ADARB2: variants seen among roughly 807,000 people sequenced by gnomAD.
ADARB2 encodes inactive double-stranded RNA-specific editase B2.
In ADARB2, 25 loss-of-function variants were observed where a neutral mutation model predicts 62.2. That is an observed-to-expected ratio of 0.40 (90% CI 0.29 to 0.56). The LOEUF is 0.56. Ranked by LOEUF, ADARB2 falls within the 20% of genes least tolerant of loss-of-function variation. The pLI, the probability that ADARB2 is intolerant of heterozygous loss-of-function variation, is 0.43. For missense variants in ADARB2, 1,071 were observed against 1,077.4 expected (o/e 0.99, Z 0.08); for synonymous variants, 572 against 500.8 (o/e 1.14, Z -1.90).
intron 1 of ADARB2, among the ~76,000 whole-genome samples, chr10:1,391,880 T>C (rs1230062047): frequency 6.8e-6 from 1 of 147,910 alleles, no homozygotes; most frequent in African/African-American, 2.5e-5. Context: ...GCTCAAGCGA[T>C]CATCCCACCT....
At chr10:1,623,102 A>T (rs1465639597) in intron 1 of ADARB2, among the ~76,000 whole-genome samples, 1 of 152,240 alleles carries the variant, frequency 6.6e-6, no homozygotes, top group African/African-American at 2.4e-5. Flanking sequence ...TTCTATTTAT[A>T]CAAAATCTCC....
At chr10:1,562,234 C>T (rs1389438126) in intron 1 of ADARB2, among the ~76,000 whole-genome samples, 3 of 152,156 alleles carry the variant, frequency 2.0e-5, no homozygotes, top group Non-Finnish European at 4.4e-5. Flanking sequence ...TAGATCTGGC[C>T]ATTCTCCTGT....
Position 1,183,059 on chromosome 10 carries a change from T to C in ADARB2, c.*134A>G. 2.0e-6 allele frequency: 2 copies of C among 1,016,016 alleles called. No homozygotes were observed. The highest frequency in any genetic ancestry group is 3.3e-5 in the South Asian group (2 of 60,850). The allele number at this position is 1,016,016 out of a possible 1,614,324, so 62.9% of individuals were successfully genotyped here. On this transcript the variant is annotated 3_prime_UTR_variant, in exon 10 of 10. Coordinates refer to ENST00000381312, the MANE Select transcript of ADARB2 (RefSeq NM_018702.4). Reference sequence around the variant, plus strand: ...ATTTGTGTTGTTGCTCGTCCAAACATTGCACACTCGCGTGTTTCTGGGACA... The same window carrying C: ...ATTTGTGTTGTTGCTCGTCCAAACACTGCACACTCGCGTGTTTCTGGGACA...
intron 1 of ADARB2, among the ~76,000 whole-genome samples, chr10:1,710,079 G>A (rs1227758715): frequency 6.6e-6 from 1 of 152,236 alleles, no homozygotes; most frequent in East Asian, 1.9e-4. Flanking sequence ...AAACTTCCAC[G>A]CCTCAAAACC....
At chr10:1,324,843 A>G (rs1371562376) in intron 3 of ADARB2, among the ~76,000 whole-genome samples, 1 of 152,254 alleles carries the variant, frequency 6.6e-6, no homozygotes, top group South Asian at 2.1e-4. Context: ...ATAAAATTAC[A>G]TGGAGCTAAA....
chr10:1,382,476 A>G (rs1018207857), intron 1 of ADARB2, among the ~76,000 whole-genome samples: 1 of 152,244 alleles, frequency 6.6e-6, no homozygotes, highest in Non-Finnish European at 1.5e-5. Context: ...AAAGAGGTGA[A>G]GAATTACATT....
At chr10:1,736,093 A>C (rs1835296756) in intron 1 of ADARB2, among the ~76,000 whole-genome samples, 1 of 152,208 alleles carries the variant, frequency 6.6e-6, no homozygotes, top group Non-Finnish European at 1.5e-5. Flanking sequence ...CTTAAAAAAA[A>C]TCAGCACATT....
intron 1 of ADARB2, among the ~76,000 whole-genome samples, chr10:1,586,973 T>C (rs146808843): frequency 1.2e-4 from 18 of 152,382 alleles, no homozygotes; most frequent in African/African-American, 3.6e-4. Context: ...ATCTCCATTG[T>C]GCAAGAATTT....
In ADARB2 at chr10:1,326,758, C is replaced by T. The variant is rs1196798905; in HGVS notation, c.1077+36270G>A. On this transcript the variant is annotated intron_variant, in intron 3 of 9. Coordinates refer to ENST00000381312, the MANE Select transcript of ADARB2 (RefSeq NM_018702.4). The stretch of plus-strand genomic sequence containing the variant: ...GGCACGGCGCCTCCCGACGGCACGG[C>T]GCCTCTGGTAGCACAGCCCCTCCTC... Among the ~76,000 whole-genome samples the T allele has an allele frequency of 2.0e-5, 3 of 150,188 alleles. 1 individual carries two copies. Among genetic ancestry groups the T allele is most frequent in the Non-Finnish European group, 4.5e-5 (3 of 67,318 alleles).
intron 1 of ADARB2, among the ~76,000 whole-genome samples, chr10:1,452,004 C>T (rs527824452): frequency 3.0e-4 from 45 of 152,254 alleles, no homozygotes; most frequent in Middle Eastern, 3.4e-3. Flanking sequence ...GCCTTATGAA[C>T]GGTACCTAGG....
chr10:1,335,026 G>A (rs1207394406), intron 3 of ADARB2, among the ~76,000 whole-genome samples: 1 of 152,200 alleles, frequency 6.6e-6, no homozygotes, highest in Non-Finnish European at 1.5e-5. Context: ...GTAGCTCTGG[G>A]TTAAGTGCCC....
At chr10:1,218,639 G>C (rs981703115) in intron 6 of ADARB2, among the ~76,000 whole-genome samples, 22 of 152,126 alleles carry the variant, frequency 1.4e-4, no homozygotes, top group Non-Finnish European at 2.6e-4. Context: ...GGTGGAATTT[G>C]GTGGGAGATG....
At chr10:1,621,940 G>T (rs1833708994) in intron 1 of ADARB2, among the ~76,000 whole-genome samples, 1 of 151,912 alleles carries the variant, frequency 6.6e-6, no homozygotes, top group Non-Finnish European at 1.5e-5. Flanking sequence ...AAAAAATAAA[G>T]AAAGAAAAAG....
chr10:1,709,700 G>T (rs1329499639), intron 1 of ADARB2, among the ~76,000 whole-genome samples: 1 of 152,160 alleles, frequency 6.6e-6, no homozygotes, highest in Non-Finnish European at 1.5e-5. Context: ...TTCCAATGAT[G>T]CTTCCCATGC....
At chr10:1,527,909 T>A (rs1033525886) in intron 1 of ADARB2, among the ~76,000 whole-genome samples, 17 of 152,240 alleles carry the variant, frequency 1.1e-4, no homozygotes, top group South Asian at 4.1e-4. Context: ...TCATTCTGGA[T>A]GCACAAATTA....
At chr10:1,423,396 G>A (rs1588253066) in intron 1 of ADARB2, among the ~76,000 whole-genome samples, 1 of 152,190 alleles carries the variant, frequency 6.6e-6, no homozygotes, top group South Asian at 2.1e-4. Context: ...CCTGGCTCCT[G>A]AGCACCCGGC....
At chr10:1,665,686 G>A (rs1178373282) in intron 1 of ADARB2, among the ~76,000 whole-genome samples, 5 of 152,240 alleles carry the variant, frequency 3.3e-5, no homozygotes, top group Non-Finnish European at 7.3e-5. Context: ...TCGGTCCTGA[G>A]GACATCAAGA....
chr10:1,218,303 C>A (rs10903408), intron 6 of ADARB2, among the ~76,000 whole-genome samples: 85,652 of 151,938 alleles, frequency 0.56, 24,609 homozygotes, highest in Non-Finnish European at 0.64. Context: ...CGCCCACCTC[C>A]GCCTCCCAAA....
intron 3 of ADARB2, among the ~76,000 whole-genome samples, chr10:1,356,477 A>G (rs73576631): frequency 0.047 from 7,102 of 152,210 alleles, 572 homozygotes; most frequent in African/African-American, 0.16. Context: ...CACAGCCCCA[A>G]CGATCCATTA....
Sources: allele counts gnomAD v4.1 joint callset (sites outside exome capture counted in the v4.1 genomes callset), GRCh38; gene constraint gnomAD v4.1.1; transcripts MANE v1.5; gene names NCBI Gene and HGNC (gene_info 2026-07-23, HGNC 2026-07-21).